The following SPRED1 variants were observed in gnomAD, a reference collection of about 807,000 sequenced individuals.
SPRED1 encodes sprouty-related, EVH1 domain-containing protein 1.
A neutral mutation model predicts 52.3 loss-of-function variants in SPRED1; 18 were observed. The observed-to-expected ratio is 0.34, with a 90% CI of 0.24 to 0.51. SPRED1 has a LOEUF of 0.51. Ranked by LOEUF, SPRED1 falls within the 20% of genes least tolerant of loss-of-function variation. The pLI is 0.97. For synonymous variants in SPRED1, 155 were observed against 179.7 expected (o/e 0.86, Z 1.10); for missense variants, 485 against 551.0 (o/e 0.88, Z 1.20).
At chr15:38,345,570 T>G (rs141589443) in intron 5 of SPRED1, among the ~76,000 whole-genome samples, 174 of 152,236 alleles carry the variant, frequency 1.1e-3, no homozygotes, top group African/African-American at 3.9e-3. Flanking sequence ...ACAAAGGACT[T>G]TATTATTATT....
chr15:38,288,667 A>G (rs1481755888), intron 1 of SPRED1, among the ~76,000 whole-genome samples: 3 of 152,186 alleles, frequency 2.0e-5, no homozygotes, highest in African/African-American at 4.8e-5. Flanking sequence ...TATCATTGCA[A>G]TATAGTGAGT....
chr15:38,261,240 A>T (rs1477577051), intron 1 of SPRED1, among the ~76,000 whole-genome samples: 6 of 152,176 alleles, frequency 3.9e-5, no homozygotes. Flanking sequence ...CAGATTTTTA[A>T]TTTTTCTGAT....
In SPRED1 at chr15:38,311,781, A is replaced by T. The variant is rs141392402; in HGVS notation, c.208-10460A>T. Among the ~76,000 whole-genome samples the T allele has an allele frequency of 1.8e-4, 27 of 152,200 alleles. No individual in the cohort carries two copies. In the East Asian group the frequency reaches 1.9e-3, roughly 11 times the overall value. ...AGCAGTATCCCGTTTCATTCCTGTA[A>T]TGGATTTGTGGCTTTGCTCTTTTGT... On this transcript the variant is annotated intron_variant, in intron 2 of 6. Coordinates refer to ENST00000299084, the MANE Select transcript of SPRED1 (RefSeq NM_152594.3).
At chr15:38,293,392 C>A (rs1764469171) in intron 1 of SPRED1, among the ~76,000 whole-genome samples, 2 of 152,012 alleles carry the variant, frequency 1.3e-5, no homozygotes, top group African/African-American at 2.4e-5. Context: ...GCCACCACAC[C>A]CGGCTCCAAG....
intron 5 of SPRED1, among the ~76,000 whole-genome samples, chr15:38,346,239 C>T (rs1441554150): frequency 6.6e-6 from 1 of 151,712 alleles, no homozygotes; most frequent in African/African-American, 2.4e-5. Flanking sequence ...ATTGCTTGAG[C>T]CAGGGAGGTC....
intron 1 of SPRED1, among the ~76,000 whole-genome samples, chr15:38,291,256 A>G (rs1220566760): frequency 6.6e-6 from 1 of 152,244 alleles, no homozygotes; most frequent in Non-Finnish European, 1.5e-5. Context: ...TGCAAGAGGT[A>G]GGTTCCCATG....
chr15:38,326,105 G>A (rs1895706052), intron 4 of SPRED1: 1 of 152,106 alleles, frequency 6.6e-6, no homozygotes, highest in Admixed American at 6.6e-5. Flanking sequence ...GAAGATCTTT[G>A]GATAGAGCGT....
chr15:38,314,227 C>G (rs1411972855), intron 2 of SPRED1, among the ~76,000 whole-genome samples: 1 of 151,696 alleles, frequency 6.6e-6, no homozygotes, highest in Non-Finnish European at 1.5e-5. Context: ...TTCAAATCTG[C>G]TTTATCTTTA....
chr15:38,334,695 C>T (rs1045086985), intron 4 of SPRED1, among the ~76,000 whole-genome samples: 3 of 151,920 alleles, frequency 2.0e-5, no homozygotes, highest in Non-Finnish European at 4.4e-5. Flanking sequence ...AGAATTCTGT[C>T]ATATATCTTA....
At chr15:38,287,051 A>C (rs8028980) in intron 1 of SPRED1, among the ~76,000 whole-genome samples, 125,532 of 152,128 alleles carry the variant, frequency 0.83, 52,559 homozygotes, top group Non-Finnish European at 0.9. Context: ...CACATGTCTT[A>C]TGTAATAATG....
At chr15:38,269,959 GT>G (rs1187105965) in intron 1 of SPRED1, among the ~76,000 whole-genome samples, 1 of 145,740 alleles carries the variant, frequency 6.9e-6, no homozygotes, top group Non-Finnish European at 1.5e-5. Flanking sequence ...CCAGGCTGGA[GT>G]GCAGTGGCAC....
chr15:38,324,320 A>G (rs1271209381), intron 3 of SPRED1, among the ~76,000 whole-genome samples: 1 of 152,224 alleles, frequency 6.6e-6, no homozygotes, highest in Non-Finnish European at 1.5e-5. Flanking sequence ...AGTGGATTAA[A>G]ACTCATTTGT....
intron 1 of SPRED1, among the ~76,000 whole-genome samples, chr15:38,296,709 A>G (rs1054287987): frequency 1.3e-5 from 2 of 152,114 alleles, no homozygotes; most frequent in South Asian, 2.1e-4. Context: ...CTTCGTGTCC[A>G]TTGTTATCGT....
chr15:38,299,985 A>G (rs778771834), intron 2 of SPRED1, among the ~76,000 whole-genome samples: 2 of 152,238 alleles, frequency 1.3e-5, no homozygotes, highest in Admixed American at 1.3e-4. Flanking sequence ...TTTGTGTAAC[A>G]TAAGAATTAT....
At chr15:38,335,813 G>A (rs1164763016) in intron 4 of SPRED1, among the ~76,000 whole-genome samples, 2 of 151,694 alleles carry the variant, frequency 1.3e-5, no homozygotes, top group Non-Finnish European at 2.9e-5. Flanking sequence ...CCTCATTCTA[G>A]CAATAATATT....
intron 1 of SPRED1, among the ~76,000 whole-genome samples, chr15:38,258,500 C>G (rs1388547211): frequency 6.6e-6 from 1 of 152,104 alleles, no homozygotes; most frequent in Non-Finnish European, 1.5e-5. Flanking sequence ...CCATCCAGAT[C>G]TCTTACTTTT....
intron 1 of SPRED1, among the ~76,000 whole-genome samples, chr15:38,263,727 A>G (rs1430384390): frequency 6.6e-6 from 1 of 152,160 alleles, no homozygotes; most frequent in Non-Finnish European, 1.5e-5. Context: ...AGGGTGTCCA[A>G]TCTTTTGGCT....
intron 1 of SPRED1, among the ~76,000 whole-genome samples, chr15:38,264,392 A>G (rs1894262293): frequency 1.3e-5 from 2 of 152,228 alleles, no homozygotes; most frequent in Admixed American, 1.3e-4. Flanking sequence ...GCTGTTTTGA[A>G]GAACTGCAAG....
chr15:38,262,725 G>A (rs1894230217), intron 1 of SPRED1, among the ~76,000 whole-genome samples: 1 of 152,292 alleles, frequency 6.6e-6, no homozygotes, highest in East Asian at 1.9e-4. Context: ...CTGGAAATCA[G>A]TTTTTCTTGA....
Sources: allele counts gnomAD v4.1 joint callset (sites outside exome capture counted in the v4.1 genomes callset), GRCh38; gene constraint gnomAD v4.1.1; transcripts MANE v1.5; gene names NCBI Gene and HGNC (gene_info 2026-07-23, HGNC 2026-07-21).